METTL16: variants seen among roughly 807,000 people sequenced by gnomAD.
METTL16 encodes RNA N(6)-adenosine-methyltransferase METTL16.
A neutral mutation model predicts 57.9 loss-of-function variants in METTL16; 19 were observed. That is an observed-to-expected ratio of 0.33 (90% CI 0.23 to 0.48). METTL16 has a LOEUF of 0.48. Ranked by LOEUF, METTL16 falls within the 20% of genes least tolerant of loss-of-function variation. The pLI is 0.99. For synonymous variants in METTL16, 246 were observed against 255.6 expected (o/e 0.96, Z 0.36); for missense variants, 434 against 691.5 (o/e 0.63, Z 4.18).
At chr17:2,442,688 TC>T (rs34376081) in intron 6 of METTL16, among the ~76,000 whole-genome samples, 5 of 152,116 alleles carry the variant, frequency 3.3e-5, no homozygotes, top group Non-Finnish European at 7.4e-5. Context: ...AGAGGGGACG[TC>T]CCGCAGGTCC....
chr17:2,448,789 T>TAAAAAAAAAAAAAAAAAAAAAAA (rs1288709390), intron 6 of METTL16, among the ~76,000 whole-genome samples: 4 of 47,730 alleles, frequency 8.4e-5, no homozygotes, highest in Non-Finnish European at 1.6e-4. Context: ...AATAAAAAAA[T>TAAAAAAAAAAAAAAAAAAAAAAA]AAAAATAAAA....
Position 2,443,741 on chromosome 17 carries a change from C to T in METTL16, c.729-2182G>A, listed in dbSNP as rs112380872. Among the ~76,000 whole-genome samples the T allele has an allele frequency of 4.1e-3, 626 of 152,238 alleles. 6 individuals carry two copies. The highest frequency in any genetic ancestry group is 0.014 in the African/African-American group (566 of 41,512). ...GTCTCGATCTCCTGACCTCGTGATCCGTCCACCTCGGCCTCCCGAAGTGCG... is the reference window on the plus strand; with the variant it reads ...GTCTCGATCTCCTGACCTCGTGATCTGTCCACCTCGGCCTCCCGAAGTGCG... On this transcript the variant is annotated intron_variant, in intron 6 of 9. Transcript: ENST00000263092.
At chr17:2,454,328 A>G (rs984687698) in intron 6 of METTL16, among the ~76,000 whole-genome samples, 2 of 152,164 alleles carry the variant, frequency 1.3e-5, no homozygotes, top group African/African-American at 4.8e-5. Context: ...ACCTTACCTA[A>G]AAAGTTCTCT....
chr17:2,419,820 G>A lies in METTL16; in HGVS notation c.*150C>T. ...CTCAAAAAGCGGGAAGGAGGCGGGG[G>A]GAGGTGGGGGACAGATTCATAGGTT... On this transcript the variant is annotated 3_prime_UTR_variant, in exon 10 of 10. Transcript: ENST00000263092. The A allele has an allele frequency of 2.2e-6, 2 of 912,830 alleles. No homozygotes were observed. Among genetic ancestry groups the A allele is most frequent in the African/African-American group, 1.6e-5 (1 of 60,722 alleles). 56.5% of individuals were successfully genotyped at this position (912,830 alleles called of 1,614,324 possible).
chr17:2,480,512 C>T (rs1161266334), intron 2 of METTL16, among the ~76,000 whole-genome samples: 1 of 152,160 alleles, frequency 6.6e-6, no homozygotes, highest in Non-Finnish European at 1.5e-5. Flanking sequence ...TACGAGCATA[C>T]CTAGAGTGCC....
intron 2 of METTL16, among the ~76,000 whole-genome samples, chr17:2,484,182 C>T (rs953457096): frequency 5.9e-5 from 9 of 152,054 alleles, no homozygotes; most frequent in Non-Finnish European, 1.2e-4. Context: ...AAAAGTATTG[C>T]TATTTTGCAC....
rs2066854553 is a variant in METTL16, at chr17:2,429,549, A to G, written c.888+8560T>C. The stretch of plus-strand genomic sequence containing the variant: ...TGTACTTCAAAGTTACTAATAACTA[A>G]TAGGAGAAGTTTCCTTTCATAGAAG... On this transcript the variant is annotated intron_variant, in intron 8 of 9. Coordinates refer to ENST00000263092, the MANE Select transcript of METTL16 (RefSeq NM_024086.4). Among the ~76,000 whole-genome samples, 3 of 151,394 alleles carry G rather than the reference A, an allele frequency of 2.0e-5. No homozygotes were observed. In the South Asian group the frequency reaches 6.3e-4, roughly 32 times the overall value.
chr17:2,492,299 G>A (rs2067404081), intron 2 of METTL16, among the ~76,000 whole-genome samples: 1 of 152,176 alleles, frequency 6.6e-6, no homozygotes, highest in African/African-American at 2.4e-5. Context: ...TAAATTGTAG[G>A]CTGTCCCTAT....
intron 2 of METTL16, among the ~76,000 whole-genome samples, chr17:2,489,972 G>A (rs1250367563): frequency 6.6e-6 from 1 of 152,048 alleles, no homozygotes. Flanking sequence ...CAAAGAATAA[G>A]ATTAGGCTGA....
intron 6 of METTL16, among the ~76,000 whole-genome samples, chr17:2,459,486 A>G (rs190932908): frequency 6.6e-6 from 1 of 152,364 alleles, no homozygotes; most frequent in Admixed American, 6.5e-5. Flanking sequence ...TCAGTCCAAC[A>G]CATTTAACTT....
At chr17:2,423,702 TC>T (rs2066786585) in intron 8 of METTL16, among the ~76,000 whole-genome samples, 1 of 152,056 alleles carries the variant, frequency 6.6e-6, no homozygotes, top group Non-Finnish European at 1.5e-5. Context: ...GGGCAGCACT[TC>T]CCATCTCTTC....
intron 6 of METTL16, among the ~76,000 whole-genome samples, chr17:2,452,403 A>G (rs373350685): frequency 1.3e-5 from 2 of 152,182 alleles, no homozygotes; most frequent in African/African-American, 4.8e-5. Context: ...TGTGTTAAAA[A>G]TCCTATTTTA....
At chr17:2,439,476 T>G (rs1305178895) in intron 7 of METTL16, among the ~76,000 whole-genome samples, 3 of 152,126 alleles carry the variant, frequency 2.0e-5, no homozygotes, top group Non-Finnish European at 4.4e-5. Context: ...TTGTGGAATG[T>G]CATCCTAGTG....
chr17:2,430,269 C>T (rs1366419851), intron 8 of METTL16, among the ~76,000 whole-genome samples: 1 of 151,948 alleles, frequency 6.6e-6, no homozygotes, highest in Non-Finnish European at 1.5e-5. Flanking sequence ...CATACCACCA[C>T]TCCTGGCTAT....
chr17:2,443,652 ATT>A (rs981105371), intron 6 of METTL16, among the ~76,000 whole-genome samples: 1 of 148,608 alleles, frequency 6.7e-6, no homozygotes, highest in African/African-American at 2.5e-5. Context: ...ACGCCCGGCT[ATT>A]TTTTTTTTAT....
chr17:2,448,174 C>T (rs1436101711), intron 6 of METTL16, among the ~76,000 whole-genome samples: 336 of 133,946 alleles, frequency 2.5e-3, no homozygotes, highest in African/African-American at 6.9e-3. Flanking sequence ...TGAGGGGCGC[C>T]TCTGCCCGGC....
At chr17:2,476,731 G>A (rs573853126) in intron 3 of METTL16, among the ~76,000 whole-genome samples, 26 of 152,222 alleles carry the variant, frequency 1.7e-4, no homozygotes, top group Admixed American at 8.5e-4. Context: ...CGAGGCAGGC[G>A]GATCACCTGA....
At chr17:2,481,154 G>GCCTAGATGAAGCCACCGCA (rs1216109975) in intron 2 of METTL16, among the ~76,000 whole-genome samples, 1 of 151,178 alleles carries the variant, frequency 6.6e-6, no homozygotes, top group Non-Finnish European at 1.5e-5. Context: ...GTTGCAGTGA[G>GCCTAGATGAAGCCACCGCA]CCTAGATGAA....
In METTL16 at chr17:2,417,058, C is replaced by CTTTTTTTTCTTTTTTTTTTTTTT. The variant is rs2066722578; in HGVS notation, c.*2911_*2912insAAAAAAAAAAAAAAGAAAAAAAA. ...TGAAAGCTGGCCTGCTCATGGGTTC[C>CTTTTTTTTCTTTTTTTTTTTTTT]TTTTTTTTTTTTTTTTTTTTTTTTT... is the stretch of plus-strand genomic sequence containing the variant. On this transcript the variant is annotated 3_prime_UTR_variant, in exon 10 of 10. Transcript: ENST00000263092. 1 of 61,534 alleles carries CTTTTTTTTCTTTTTTTTTTTTTT rather than the reference C, an allele frequency of 1.6e-5. No homozygotes were observed. The highest frequency in any genetic ancestry group is 2.8e-5 in the Non-Finnish European group (1 of 35,662). The allele number at this position is 61,534 out of a possible 1,614,324, so 3.8% of individuals were successfully genotyped here.
Sources: allele counts gnomAD v4.1 joint callset (sites outside exome capture counted in the v4.1 genomes callset), GRCh38; gene constraint gnomAD v4.1.1; transcripts MANE v1.5; gene names NCBI Gene and HGNC (gene_info 2026-07-23, HGNC 2026-07-21).